Variants in PXK observed in about 807,000 individuals in gnomAD.
PXK encodes the protein PX domain containing serine/threonine kinase like, also known as PX domain-containing protein kinase-like protein.
Under a neutral mutation model 84.7 loss-of-function variants are expected in PXK, and 35 were observed. The observed-to-expected ratio is 0.41, with a 90% CI of 0.32 to 0.55. The LOEUF (loss-of-function observed/expected upper bound fraction) is 0.55. PXK is among the 20% of genes least tolerant of loss of function. The probability of loss-of-function intolerance (pLI) is 0.21; values close to 1 mark genes in which losing one functional copy is unlikely to be tolerated. For missense variants in PXK, 634 were observed against 699.7 expected (o/e 0.91, Z 1.06); for synonymous variants, 253 against 260.8 (o/e 0.97, Z 0.29).
At chr3:58,351,621 T>C (rs968279975) in intron 1 of PXK, among the ~76,000 whole-genome samples, 1 of 152,144 alleles carries the variant, frequency 6.6e-6, no homozygotes, top group Non-Finnish European at 1.5e-5. Flanking sequence ...TGAGAAACTT[T>C]TCCAAAAATT....
rs929162932 is a variant in PXK, at chr3:58,426,076, CTGT to C, written c.*1121_*1123del. On this transcript the variant is annotated 3_prime_UTR_variant, in exon 18 of 18. Coordinates refer to ENST00000356151, the MANE Select transcript of PXK (RefSeq NM_017771.5). The stretch of plus-strand genomic sequence containing the variant: ...TTCAAATGAGAACTTTTTGTAGCGT[CTGT>C]TGTTAGCAAAGAATAGATTCACACA... 53 of 152,322 alleles carry C rather than the reference CTGT, an allele frequency of 3.5e-4. No homozygotes were observed. Among genetic ancestry groups the C allele is most frequent in the African/African-American group, 1.2e-3 (49 of 41,562 alleles). The allele number at this position is 152,322 out of a possible 1,614,324, so 9.4% of individuals were successfully genotyped here.
At chr3:58,335,018 G>GGTGTGTGTGTGTGT (rs375780661) in intron 1 of PXK, among the ~76,000 whole-genome samples, 207 of 106,552 alleles carry the variant, frequency 1.9e-3, no homozygotes, top group African/African-American at 2.7e-3. Flanking sequence ...TGTCCAGGCT[G>GGTGTGTGTGTGTGT]GTGTGTGTGT....
At chr3:58,413,064 T>A in intron 17 of PXK, 101 bp downstream of exon 17, 3 of 1,254,716 alleles carry the variant, frequency 2.4e-6, no homozygotes, top group Admixed American at 3.4e-5. Context: ...AGGGGTTAGA[T>A]AGCAGCAGCT....
chr3:58,418,588 T>C (rs1268590926), intron 17 of PXK, among the ~76,000 whole-genome samples: 1 of 145,474 alleles, frequency 6.9e-6, no homozygotes, highest in Non-Finnish European at 1.5e-5. Flanking sequence ...CGCTATGACC[T>C]TGGACAAATA....
At chr3:58,420,287 C>G (rs1365960672) in intron 17 of PXK, among the ~76,000 whole-genome samples, 1 of 152,154 alleles carries the variant, frequency 6.6e-6, no homozygotes, top group Admixed American at 6.5e-5. Context: ...GAAAGTGACT[C>G]ATTAGGTGGC....
chr3:58,420,163 C>G (rs1329497118), intron 17 of PXK, among the ~76,000 whole-genome samples: 1 of 152,254 alleles, frequency 6.6e-6, no homozygotes, highest in Non-Finnish European at 1.5e-5. Flanking sequence ...GCACACTCCT[C>G]ATATCCATTC....
At chr3:58,354,476 T>C (rs1297924878) in intron 1 of PXK, among the ~76,000 whole-genome samples, 1 of 150,628 alleles carries the variant, frequency 6.6e-6, no homozygotes, top group East Asian at 2.0e-4. Flanking sequence ...AGACTGAGTC[T>C]CTCACTCTGT....
rs1301118557 is a variant in PXK at position 58,370,039 on chromosome 3, T to C, written c.201+561T>C. On this transcript the variant is annotated intron_variant, in intron 3 of 17. Coordinates refer to ENST00000356151, the MANE Select transcript of PXK (RefSeq NM_017771.5). This position sits in a 1 kb window ranked among gnomAD's most constrained non-coding sequence, Gnocchi z 4.2. Reference sequence around the variant, plus strand: ...CCAGACTGTATTCTTACCACAGTCATAGGAGGCTGACGTAATATCTCCTTT... The same window carrying C: ...CCAGACTGTATTCTTACCACAGTCACAGGAGGCTGACGTAATATCTCCTTT... Among the ~76,000 whole-genome samples, 1 of 152,200 alleles carries C rather than the reference T, an allele frequency of 6.6e-6. No individual in the cohort carries two copies. Among genetic ancestry groups the C allele is most frequent in the Non-Finnish European group, 1.5e-5 (1 of 68,046 alleles).
At chr3:58,337,975 T>C (rs573120351) in intron 1 of PXK, among the ~76,000 whole-genome samples, 2 of 152,372 alleles carry the variant, frequency 1.3e-5, no homozygotes, top group East Asian at 3.9e-4. Flanking sequence ...TAGTACTCAG[T>C]ATCAGAATTT....
At chr3:58,368,421 C>T (rs564458747) in intron 2 of PXK, among the ~76,000 whole-genome samples, 2 of 152,168 alleles carry the variant, frequency 1.3e-5, no homozygotes, top group Non-Finnish European at 2.9e-5. Context: ...CTCCTAGGCT[C>T]AAGCGATTCT....
intron 4 of PXK, among the ~76,000 whole-genome samples, chr3:58,388,096 C>A (rs1249282198): frequency 6.6e-6 from 1 of 152,072 alleles, no homozygotes; most frequent in Non-Finnish European, 1.5e-5. Flanking sequence ...AAATGTGTTG[C>A]CCGAGTCTGG....
intron 1 of PXK, among the ~76,000 whole-genome samples, chr3:58,339,912 T>G (rs1385205117): frequency 6.6e-6 from 1 of 151,878 alleles, no homozygotes; most frequent in Non-Finnish European, 1.5e-5. Flanking sequence ...CCTCCTGGAT[T>G]CAAGCGATTC....
chr3:58,346,529 GTT>G (rs1461936780), intron 1 of PXK, among the ~76,000 whole-genome samples: 1 of 152,164 alleles, frequency 6.6e-6, no homozygotes, highest in African/African-American at 2.4e-5. Context: ...TGATGAGTCT[GTT>G]TGGTTTTAGA....
intron 1 of PXK, among the ~76,000 whole-genome samples, chr3:58,360,805 C>G (rs2098170499): frequency 6.7e-6 from 1 of 149,556 alleles, no homozygotes; most frequent in African/African-American, 2.5e-5. Flanking sequence ...GCACTCCAAC[C>G]TAGGCAACAA....
rs2058553991 is a variant in PXK at position 58,401,512 on chromosome 3, G to A, written c.1181+2135G>A. On this transcript the variant is annotated intron_variant, in intron 12 of 17. Transcript: ENST00000356151. The surrounding 1 kb of genome is among the most constrained non-coding windows in gnomAD (Gnocchi z 4.4). The stretch of plus-strand genomic sequence containing the variant: ...TGGTGTGCACCAAGTAATAATCCCA[G>A]CTACTTGGAAGGCTGAGGTGGTAGA... 6.6e-6 allele frequency among the ~76,000 whole-genome samples: 1 copy of A among 152,106 alleles called. No individual in the cohort carries two copies. Among genetic ancestry groups the A allele is most frequent in the African/African-American group, 2.4e-5 (1 of 41,422 alleles).
chr3:58,392,784 C>T (rs2098644312), intron 7 of PXK, among the ~76,000 whole-genome samples: 1 of 151,806 alleles, frequency 6.6e-6, no homozygotes, highest in South Asian at 2.1e-4. Flanking sequence ...GCCTCAGCCT[C>T]CCAAGTAGCT....
At chr3:58,389,562 G>A (rs1576438075) in intron 4 of PXK, among the ~76,000 whole-genome samples, 2 of 152,122 alleles carry the variant, frequency 1.3e-5, no homozygotes, top group Middle Eastern at 6.8e-3. Flanking sequence ...GTGGTTCGTG[G>A]TTGTATTCCC....
intron 1 of PXK, among the ~76,000 whole-genome samples, chr3:58,349,975 A>G (rs186920142): frequency 6.6e-6 from 1 of 152,296 alleles, no homozygotes; most frequent in Non-Finnish European, 1.5e-5. Context: ...TAAGAGTAAC[A>G]CACAGGAAGG....
chr3:58,386,877 C>G (rs999873942), intron 4 of PXK, among the ~76,000 whole-genome samples: 4 of 152,108 alleles, frequency 2.6e-5, no homozygotes, highest in African/African-American at 7.2e-5. Context: ...GCCTAAAGCC[C>G]CAGGAATCCC....
Sources: allele counts gnomAD v4.1 joint callset (sites outside exome capture counted in the v4.1 genomes callset), GRCh38; gene constraint gnomAD v4.1.1; non-coding constraint Gnocchi (gnomAD v3.1); transcripts MANE v1.5; gene names NCBI Gene and HGNC (gene_info 2026-07-23, HGNC 2026-07-21).